The following NMI variants were observed in gnomAD, a reference collection of about 807,000 sequenced individuals.
The protein encoded by NMI is N-myc and STAT interactor, also known as N-myc-interactor.
Under a neutral mutation model 34.3 loss-of-function variants are expected in NMI, and 39 were observed. The ratio of observed to expected loss-of-function variants is 1.14; its 90% CI spans 0.88 to 1.49. The LOEUF is 1.49. Ranked by LOEUF, NMI falls within the 40% of genes most tolerant of loss-of-function variation. The pLI, the probability that NMI is intolerant of heterozygous loss-of-function variation, is 0.00. For synonymous variants in NMI, 113 were observed against 120.3 expected, an observed-to-expected ratio of 0.94 and a Z score of 0.40; for missense variants, 339 against 358.1, an observed-to-expected ratio of 0.95 and a Z score of 0.43.
Position 151,271,606 on chromosome 2 carries a change from G to C in NMI, c.741+20C>G, listed in dbSNP as rs755033059. 2 of 1,246,790 alleles carry C rather than the reference G, an allele frequency of 1.6e-6. No homozygotes were observed. Among genetic ancestry groups the C allele is most frequent in the South Asian group, 2.5e-5 (2 of 81,274 alleles). 77.2% of individuals were successfully genotyped at this position (1,246,790 alleles called of 1,614,324 possible). On this transcript the variant is annotated intron_variant, in intron 7 of 7. Transcript: ENST00000243346. ...TTTGGGCAGTGAGTTCTGAAAATGA[G>C]AGAACAGAGATGACTTTACCTGATA...
At chr2:151,277,466 G>A (rs1488848215) in intron 4 of NMI, 1 of 152,202 alleles carries the variant, frequency 6.6e-6, no homozygotes, top group African/African-American at 2.4e-5. Context: ...ACCTACTGCT[G>A]TCCCAGGAGA....
At chr2:151,285,518 G>A (rs1683480029) in intron 1 of NMI, among the ~76,000 whole-genome samples, 1 of 151,126 alleles carries the variant, frequency 6.6e-6, no homozygotes, top group Non-Finnish European at 1.5e-5. Context: ...AAGCCGGGAG[G>A]CAGAGGTTGC....
At position 151,282,915 on chromosome 2, in the gene NMI, G is replaced by A; in HGVS notation, c.34C>T (p.Leu12Phe). 1.3e-6 allele frequency: 2 copies of A among 1,533,186 alleles called. No individual in the cohort carries two copies. The highest frequency in any genetic ancestry group is 1.8e-6 in the Non-Finnish European group (2 of 1,136,116). The allele number at this position is 1,533,186 out of a possible 1,614,324, so 95.0% of individuals were successfully genotyped here. A position where few individuals can be genotyped will look rare whatever the true frequency, so the allele number is the denominator to read the frequency against. The change falls in exon 2 of 8, where the codon CTT becomes TTT. Residue 12 changes from leucine to phenylalanine, a missense_variant. Coordinates refer to ENST00000243346, the MANE Select transcript of NMI (RefSeq NM_004688.3). ...AATTCATCTGGCGAATGCTCCTTAA[G>A]AATTTGTTGTGTGTCATCTTTATCA... ...EADKDDTQQI[L>F]KEHSPDEFIK...
chr2:151,272,053 C>A (rs74863746), intron 6 of NMI, among the ~76,000 whole-genome samples: 1,781 of 152,210 alleles, frequency 0.012, 37 homozygotes, highest in African/African-American at 0.039. Flanking sequence ...AGAAAGTAAC[C>A]CACTCATCTA....
Position 151,270,889 on chromosome 2 carries a change from A to C in NMI, c.742-14T>G. On this transcript the variant is annotated splice_polypyrimidine_tract_variant and intron_variant, in intron 7 of 7. Transcript: ENST00000243346. Reference sequence around the variant, plus strand: ...TCCTGAAAATATCTAAGAAGGAAAAAATGATAAATAGAAAGATTTCTAAGA... The same window carrying C: ...TCCTGAAAATATCTAAGAAGGAAAACATGATAAATAGAAAGATTTCTAAGA... The C allele has an allele frequency of 6.3e-7, 1 of 1,589,824 alleles. No homozygotes were observed. The highest frequency in any genetic ancestry group is 8.6e-7 in the Non-Finnish European group (1 of 1,162,834).
chr2:151,279,570 G>A (rs899345734), intron 3 of NMI, among the ~76,000 whole-genome samples: 4 of 151,414 alleles, frequency 2.6e-5, no homozygotes, highest in African/African-American at 7.3e-5. Context: ...TCCACCTCCC[G>A]GGTTCAAACA....
At chr2:151,286,217 C>T (rs1212813050) in intron 1 of NMI, among the ~76,000 whole-genome samples, 1 of 152,056 alleles carries the variant, frequency 6.6e-6, no homozygotes, top group Non-Finnish European at 1.5e-5. Flanking sequence ...CACAATGTAA[C>T]TTCGACGACA....
intron 1 of NMI, among the ~76,000 whole-genome samples, chr2:151,288,032 C>T (rs2105214201): frequency 6.6e-6 from 1 of 152,276 alleles, no homozygotes; most frequent in South Asian, 2.1e-4. Context: ...ACCACCAGAA[C>T]CCTTTTGGCA....
At chr2:151,279,017 A>G in intron 3 of NMI, 27 bp from the exon 4 acceptor site, 1 of 1,484,770 alleles carries the variant, frequency 6.7e-7, no homozygotes. Flanking sequence ...TGTTTGATTA[A>G]AATCAAGACG....
chr2:151,271,470 A>C (rs988819442), intron 7 of NMI, among the ~76,000 whole-genome samples, 156 bp downstream of exon 7: 11 of 152,242 alleles, frequency 7.2e-5, no homozygotes, highest in African/African-American at 2.4e-4. Flanking sequence ...TTCAAAAGAC[A>C]AACTCATTTT....
At chr2:151,281,606 C>T (rs1573746352) in intron 3 of NMI, among the ~76,000 whole-genome samples, 2 of 152,272 alleles carry the variant, frequency 1.3e-5, no homozygotes, top group Admixed American at 6.5e-5. Context: ...TAACTTCAAA[C>T]ATCCTGCTTT....
chr2:151,271,546 CA>C, intron 7 of NMI, 79 bp downstream of exon 7: 1 of 775,260 alleles, frequency 1.3e-6, no homozygotes, highest in Non-Finnish European at 2.3e-6. Context: ...GCATAAGTAA[CA>C]GACTCACAAC....
At chr2:151,280,715 A>G (rs932069414) in intron 3 of NMI, among the ~76,000 whole-genome samples, 4 of 152,220 alleles carry the variant, frequency 2.6e-5, no homozygotes, top group Admixed American at 2.6e-4. Context: ...TTCTAGCTCC[A>G]GTCTGAGAAG....
chr2:151,282,741 T>G, intron 2 of NMI, 127 bp downstream of exon 2: 2 of 487,692 alleles, frequency 4.1e-6, no homozygotes, highest in Non-Finnish European at 3.6e-6. Context: ...AAGTTAAAAA[T>G]TTTTTTAAAG....
At chr2:151,272,156 CTG>C (rs138759058) in intron 6 of NMI, among the ~76,000 whole-genome samples, 8,281 of 152,132 alleles carry the variant, frequency 0.054, 595 homozygotes, top group African/African-American at 0.16. Flanking sequence ...ATTCAATAAA[CTG>C]AAGTAATGAT....
At chr2:151,287,319 T>A (rs61710120) in intron 1 of NMI, among the ~76,000 whole-genome samples, 4,489 of 109,824 alleles carry the variant, frequency 0.041, 212 homozygotes, top group African/African-American at 0.18. Context: ...TCTCTCTCTC[T>A]CACACACATA....
In NMI at chr2:151,281,955, TC is replaced by T; in HGVS notation, c.169del (p.Glu57AsnfsTer13). On this transcript the variant is annotated frameshift_variant, in exon 3 of 8. Coordinates refer to ENST00000243346, the MANE Select transcript of NMI (RefSeq NM_004688.3). LOFTEE classifies it high-confidence loss of function. ...AAATAATTAAGAGAGTACCTGGAATTCTTTGGTAGCCTCTTGTAACTCCGTT... is the reference window on the plus strand; with the variant it reads ...AAATAATTAAGAGAGTACCTGGAATTTTTGGTAGCCTCTTGTAACTCCGTT... Reference protein sequence around the residue: ...LETELQEATKEFQIKEDIPET... With the variant: ...LETELQEATKXFQIKEDIPET... 1.3e-6 allele frequency: 2 copies of T among 1,495,118 alleles called. No individual in the cohort carries two copies. Among genetic ancestry groups the T allele is most frequent in the Non-Finnish European group, 1.9e-6 (2 of 1,078,394 alleles). 92.6% of individuals were successfully genotyped at this position (1,495,118 alleles called of 1,614,324 possible).
intron 7 of NMI, among the ~76,000 whole-genome samples, 172 bp from the exon 8 acceptor site, chr2:151,271,047 G>A (rs1273306160): frequency 1.3e-5 from 2 of 152,320 alleles, no homozygotes; most frequent in East Asian, 3.9e-4. Context: ...TTTAGAAAGA[G>A]AACTCTGGTG....
Position 151,270,739 on chromosome 2 carries a change from A to T in NMI, c.878T>A (p.Val293Asp), listed in dbSNP as rs1249277026. Residue 293 changes from valine (V) to aspartate (D), a missense_variant, in exon 8 of 8, where the codon GTC becomes GAC. Transcript: ENST00000243346. ...GTGAGGTTGACCTAGAGAACACTTG[A>T]CCACATCTACTTCTCCACCTCCATT... ...AKNGGGEVDV[V>D]KCSLGQPHIA... The T allele has an allele frequency of 2.5e-6, 4 of 1,613,854 alleles. No individual in the cohort carries two copies. The Admixed American group carries it at 6.7e-5, about 27-fold the overall frequency.
Sources: allele counts gnomAD v4.1 joint callset (sites outside exome capture counted in the v4.1 genomes callset), GRCh38; gene constraint gnomAD v4.1.1; transcripts MANE v1.5; gene names NCBI Gene and HGNC (gene_info 2026-07-23, HGNC 2026-07-21).